NKD2: variants seen among roughly 807,000 people sequenced by gnomAD.
The protein encoded by NKD2 is protein naked cuticle homolog 2.
In NKD2, 43 loss-of-function variants were observed where a neutral mutation model predicts 34.8. The ratio of observed to expected loss-of-function variants is 1.24; its 90% CI spans 0.97 to 1.60. The LOEUF is 1.60. NKD2 is among the 40% of genes most tolerant of loss of function. The pLI is 0.00. For synonymous variants in NKD2, 278 were observed against 265.1 expected, an observed-to-expected ratio of 1.05 and a Z score of -0.47; for missense variants, 675 against 627.1, an observed-to-expected ratio of 1.08 and a Z score of -0.82.
chr5:1,020,748 C>T (rs1427692115), intron 3 of NKD2, among the ~76,000 whole-genome samples: 2 of 151,174 alleles, frequency 1.3e-5, no homozygotes, highest in Non-Finnish European at 2.9e-5. Flanking sequence ...GGGCCTGTCC[C>T]TGTAACTCAT....
Position 1,035,542 on chromosome 5 carries a change from C to T in NKD2, c.659+69C>T, listed in dbSNP as rs959268167. 62 of 1,273,094 alleles carry T rather than the reference C, an allele frequency of 4.9e-5. 2 individuals are homozygous for T. The highest frequency in any genetic ancestry group is 2.6e-4 in the South Asian group (20 of 77,550). 78.9% of individuals were successfully genotyped at this position (1,273,094 alleles called of 1,614,324 possible). ...GCACCCTGGCCACACCCCTGCTTCC[C>T]GCAGGCCACAGGCCACAGGCCACAC... On this transcript the variant is annotated intron_variant, in intron 8 of 9. Coordinates refer to ENST00000296849, the MANE Select transcript of NKD2 (RefSeq NM_033120.4).
At chr5:1,034,933 C>T in intron 7 of NKD2, 30 bp downstream of exon 7, 1 of 1,579,114 alleles carries the variant, frequency 6.3e-7, no homozygotes, top group East Asian at 2.3e-5. Context: ...ACACAGAGGA[C>T]CCTACCCAAC....
chr5:1,010,271 A>G lies in NKD2; in HGVS notation c.141+711A>G, dbSNP rs564491640. ...CATGTTTGCTGAGCGTGAGAAAGCTAACATTTGATGGTCATCAGTGTCAGT... is the reference window on the plus strand; with the variant it reads ...CATGTTTGCTGAGCGTGAGAAAGCTGACATTTGATGGTCATCAGTGTCAGT... On this transcript the variant is annotated intron_variant, in intron 3 of 9. Coordinates refer to ENST00000296849, the MANE Select transcript of NKD2 (RefSeq NM_033120.4). Among the ~76,000 whole-genome samples, 35 of 152,302 alleles carry G rather than the reference A, an allele frequency of 2.3e-4. 3 individuals carry two copies. The highest frequency in any genetic ancestry group is 5.5e-4 in the African/African-American group (23 of 41,560).
intron 3 of NKD2, among the ~76,000 whole-genome samples, chr5:1,016,004 A>T (rs1224722433): frequency 6.6e-6 from 1 of 152,204 alleles, no homozygotes; most frequent in Non-Finnish European, 1.5e-5. Flanking sequence ...GGAGGTGCGG[A>T]AGGAGCCCTT....
At chr5:1,028,999 C>T (rs149299665) in intron 3 of NKD2, among the ~76,000 whole-genome samples, 280 of 152,294 alleles carry the variant, frequency 1.8e-3, no homozygotes, top group African/African-American at 5.7e-3. Context: ...CACATCTGGC[C>T]AGCGGCCCGG....
At chr5:1,016,195 C>G (rs1267197528) in intron 3 of NKD2, among the ~76,000 whole-genome samples, 1 of 152,258 alleles carries the variant, frequency 6.6e-6, no homozygotes, top group South Asian at 2.1e-4. Context: ...CTCTGGACTG[C>G]GAAGCCTGGA....
Position 1,035,543 on chromosome 5 carries a change from G to GCAGGCCA in NKD2, c.659+87_659+93dup, listed in dbSNP as rs147220476. The GCAGGCCA allele has an allele frequency of 1.3e-4, 167 of 1,247,204 alleles. 1 individual carries two copies. Among genetic ancestry groups the GCAGGCCA allele is most frequent in the South Asian group, 5.1e-4 (39 of 76,680 alleles). 77.3% of individuals were successfully genotyped at this position (1,247,204 alleles called of 1,614,324 possible). A position where few individuals can be genotyped will look rare whatever the true frequency, so the allele number is the denominator to read the frequency against. On this transcript the variant is annotated intron_variant, in intron 8 of 9. Coordinates refer to ENST00000296849, the MANE Select transcript of NKD2 (RefSeq NM_033120.4). ...CACCCTGGCCACACCCCTGCTTCCC[G>GCAGGCCA]CAGGCCACAGGCCACAGGCCACACA...
At chr5:1,036,509 C>A in intron 9 of NKD2, 125 bp downstream of exon 9, 2 of 606,316 alleles carry the variant, frequency 3.3e-6, no homozygotes, top group Non-Finnish European at 2.8e-6. Context: ...CCCAACCCCC[C>A]CCACCCCACC....
intron 3 of NKD2, among the ~76,000 whole-genome samples, chr5:1,029,008 G>C (rs1325401285): frequency 6.6e-6 from 1 of 152,190 alleles, no homozygotes; most frequent in Non-Finnish European, 1.5e-5. Flanking sequence ...CCAGCGGCCC[G>C]GGGGCAGGTT....
intron 3 of NKD2, among the ~76,000 whole-genome samples, chr5:1,016,760 G>T (rs534900405): frequency 1.3e-5 from 2 of 152,206 alleles, no homozygotes; most frequent in African/African-American, 2.4e-5. Context: ...TCTCACATCC[G>T]CTAAGGGGGA....
In NKD2 at chr5:1,009,545, C is replaced by A; in HGVS notation, c.126C>A (p.Arg42=). The A allele has an allele frequency of 1.3e-6, 2 of 1,491,438 alleles. No homozygotes were observed. Among genetic ancestry groups the A allele is most frequent in the African/African-American group, 1.5e-5 (1 of 68,496 alleles). 92.4% of individuals were successfully genotyped at this position (1,491,438 alleles called of 1,614,324 possible). A position where few individuals can be genotyped will look rare whatever the true frequency, so the allele number is the denominator to read the frequency against. ...GRKGAEEAER[R]ARDKQELPNG... is the part of the protein sequence containing the mutation. The stretch of plus-strand genomic sequence containing the variant: ...AAGGCGCGGAGGAAGCGGAGCGGCG[C>A]GCGCGGGACAAGCAGGTAGGCGGCG... The change falls in exon 3 of 10, where the codon CGC becomes CGA. Residue 42 remains arginine (R), a synonymous_variant. Transcript: ENST00000296849. This position sits in a 1 kb window ranked among gnomAD's most constrained non-coding sequence, Gnocchi z 6.9.
chr5:1,038,258 T>C lies in NKD2; in HGVS notation c.1241T>C (p.Leu414Pro). 2 of 1,582,004 alleles carry C rather than the reference T, an allele frequency of 1.3e-6. No homozygotes were observed. The highest frequency in any genetic ancestry group is 1.7e-6 in the Non-Finnish European group (2 of 1,167,830). The change falls in exon 10 of 10, where the codon CTG becomes CCG. Residue 414 changes from leucine (L) to proline (P), a missense_variant. Physicochemically the swap from Leu to Pro is moderately conservative, Grantham distance 98. Coordinates refer to ENST00000296849, the MANE Select transcript of NKD2 (RefSeq NM_033120.4). The surrounding 1 kb of genome is among the most constrained non-coding windows in gnomAD (Gnocchi z 4.5). ...ATVEHEVVRD[L>P]PPTPAGEGYA... Reference sequence around the variant, plus strand: ...GTGGAGCACGAGGTGGTGCGGGACCTGCCGCCCACGCCAGCAGGAGAGGGC... The same window carrying C: ...GTGGAGCACGAGGTGGTGCGGGACCCGCCGCCCACGCCAGCAGGAGAGGGC...
chr5:1,033,279 TGTG>T, intron 4 of NKD2, 90 bp from the exon 5 acceptor site: 1 of 1,192,556 alleles, frequency 8.4e-7, no homozygotes, highest in Non-Finnish European at 1.2e-6. Flanking sequence ...AGGATCATGG[TGTG>T]GTGAGGGGAG....
chr5:1,015,780 C>T (rs1231937682), intron 3 of NKD2, among the ~76,000 whole-genome samples: 1 of 152,162 alleles, frequency 6.6e-6, no homozygotes, highest in Non-Finnish European at 1.5e-5. Context: ...GCCTGTGCTG[C>T]GTCCTGGGGC....
Position 1,017,181 on chromosome 5 carries a change from G to A in NKD2, c.141+7621G>A, listed in dbSNP as rs575058144. 9.2e-5 allele frequency among the ~76,000 whole-genome samples: 14 copies of A among 152,242 alleles called. No individual in the cohort carries two copies. In the South Asian group the frequency reaches 1.0e-3, roughly 11 times the overall value. On this transcript the variant is annotated intron_variant, in intron 3 of 9. Transcript: ENST00000296849. ...CCCCTGGTGGCCTCCCTGCTGCCCC[G>A]GGGACGTGGGTAGCTTGGCTCTCTG...
intron 9 of NKD2, chr5:1,037,557 G>A (rs1734051283): frequency 6.5e-7 from 1 of 1,535,836 alleles, no homozygotes; most frequent in African/African-American, 1.4e-5. Context: ...CCGCTCCCAG[G>A]ACACACAGTG....
chr5:1,036,993 C>T, intron 9 of NKD2: 8 of 331,912 alleles, frequency 2.4e-5, no homozygotes, highest in South Asian at 2.1e-4. Context: ...GTGTGGATGG[C>T]AGGCAGGCAG....
intron 5 of NKD2, 85 bp from the exon 6 acceptor site, chr5:1,034,150 G>A: frequency 1.0e-6 from 1 of 965,684 alleles, no homozygotes. Flanking sequence ...CCCTGGGAAA[G>A]GCCCCAGAAG....
chr5:1,034,956 C>G (rs960817857), intron 7 of NKD2, 53 bp downstream of exon 7: 3 of 1,525,882 alleles, frequency 2.0e-6, no homozygotes, highest in South Asian at 1.2e-5. Flanking sequence ...TGGCAGGGGC[C>G]TAAGCTGTGT....
Sources: allele counts gnomAD v4.1 joint callset (sites outside exome capture counted in the v4.1 genomes callset), GRCh38; gene constraint gnomAD v4.1.1; non-coding constraint Gnocchi (gnomAD v3.1); transcripts MANE v1.5; gene names NCBI Gene and HGNC (gene_info 2026-07-23, HGNC 2026-07-21).